The following CDH4 variants were observed in gnomAD, a reference collection of about 807,000 sequenced individuals.
The protein encoded by CDH4 is cadherin-4.
In CDH4, 33 loss-of-function variants were observed where a neutral mutation model predicts 86.0. The ratio of observed to expected loss-of-function variants is 0.38; its 90% CI spans 0.29 to 0.51. CDH4 has a LOEUF of 0.51. CDH4 is among the 20% of genes least tolerant of loss of function. The pLI is 0.86. For missense variants in CDH4, 1,114 were observed against 1,307.4 expected (o/e 0.85, Z 2.28); for synonymous variants, 555 against 549.4 (o/e 1.01, Z -0.14).
At chr20:61,926,766 G>A (rs545052424) in intron 11 of CDH4, among the ~76,000 whole-genome samples, 115 of 152,258 alleles carry the variant, frequency 7.6e-4, no homozygotes, top group African/African-American at 2.6e-3. Context: ...CCAGCTATTC[G>A]GGAGGCTGAG....
chr20:61,585,839 G>A (rs1600783389), intron 2 of CDH4, among the ~76,000 whole-genome samples: 1 of 148,252 alleles, frequency 6.7e-6, no homozygotes, highest in East Asian at 2.0e-4. Flanking sequence ...TGGTGATGGT[G>A]GTGATGGGGA....
intron 7 of CDH4, among the ~76,000 whole-genome samples, chr20:61,883,225 C>T (rs962883221): frequency 1.3e-5 from 2 of 151,922 alleles, no homozygotes; most frequent in East Asian, 1.9e-4. Flanking sequence ...GCCTGCCGCC[C>T]GGTTTAATGT....
In CDH4 at chr20:61,412,543, G is replaced by C. The variant is rs530012847; in HGVS notation, c.169+157606G>C. On this transcript the variant is annotated intron_variant, in intron 2 of 15. Coordinates refer to ENST00000614565, the MANE Select transcript of CDH4 (RefSeq NM_001794.5). ...AACTCACAATGGCTACAGAGAAACA[G>C]AGAGGTGGAGGAGGGATTTCTTGGC... Among the ~76,000 whole-genome samples the C allele has an allele frequency of 2.0e-5, 3 of 152,308 alleles. No individual in the cohort carries two copies. In the East Asian group the frequency reaches 5.8e-4, roughly 29 times the overall value.
chr20:61,812,804 C>A (rs2099714491), intron 4 of CDH4, among the ~76,000 whole-genome samples: 1 of 152,196 alleles, frequency 6.6e-6, no homozygotes, highest in African/African-American at 2.4e-5. Flanking sequence ...TACTGTATCC[C>A]AAATACGTGG....
intron 7 of CDH4, among the ~76,000 whole-genome samples, chr20:61,894,619 G>A (rs1568872079): frequency 6.6e-6 from 1 of 152,062 alleles, no homozygotes; most frequent in Non-Finnish European, 1.5e-5. Flanking sequence ...CTTCTATCTT[G>A]GCACCAAACG....
chr20:61,286,835 T>C (rs2084295826), intron 2 of CDH4, among the ~76,000 whole-genome samples: 1 of 152,206 alleles, frequency 6.6e-6, no homozygotes, highest in Non-Finnish European at 1.5e-5. Flanking sequence ...GTTTGTTTGT[T>C]TGTTTGTTGG....
chr20:61,416,811 C>T (rs1027358896), intron 2 of CDH4, among the ~76,000 whole-genome samples: 19 of 152,294 alleles, frequency 1.2e-4, no homozygotes, highest in Middle Eastern at 6.8e-3. Context: ...ACATAGCTTA[C>T]CAAGTGTGAT....
intron 2 of CDH4, among the ~76,000 whole-genome samples, chr20:61,669,020 G>A (rs891657124): frequency 1.3e-5 from 2 of 152,222 alleles, no homozygotes; most frequent in African/African-American, 2.4e-5. Flanking sequence ...GCGAAGCTCA[G>A]GGCTGCGGCA....
chr20:61,404,245 C>T lies in CDH4; in HGVS notation c.169+149308C>T, dbSNP rs748017305. 3.3e-5 allele frequency among the ~76,000 whole-genome samples: 5 copies of T among 152,102 alleles called. No individual in the cohort carries two copies. In the South Asian group the frequency reaches 8.3e-4, roughly 25 times the overall value. ...GCTAAGGACAAGATGCTTCTGCAGC[C>T]CCCGCCCCCTTCCTCTGCTTGTTCC... On this transcript the variant is annotated intron_variant, in intron 2 of 15. Transcript: ENST00000614565.
At chr20:61,508,426 C>T (rs1217141279) in intron 2 of CDH4, among the ~76,000 whole-genome samples, 1 of 152,236 alleles carries the variant, frequency 6.6e-6, no homozygotes, top group Non-Finnish European at 1.5e-5. Context: ...TGGCTGAAGA[C>T]TGTTGCGGTC....
intron 2 of CDH4, among the ~76,000 whole-genome samples, chr20:61,374,655 T>C (rs1380721586): frequency 6.6e-6 from 1 of 152,146 alleles, no homozygotes; most frequent in Non-Finnish European, 1.5e-5. Flanking sequence ...CAGGGCTCTC[T>C]AGAATTTAAC....
chr20:61,318,080 G>T (rs1398264739), intron 2 of CDH4, among the ~76,000 whole-genome samples: 1 of 152,124 alleles, frequency 6.6e-6, no homozygotes, highest in Admixed American at 6.5e-5. Context: ...CGGCTGGAGG[G>T]ACACTTTTCA....
chr20:61,737,472 C>T (rs545986998), intron 2 of CDH4, among the ~76,000 whole-genome samples: 3 of 152,268 alleles, frequency 2.0e-5, no homozygotes, highest in Non-Finnish European at 2.9e-5. Context: ...CAGGGACCCC[C>T]GGCCTGACTA....
At chr20:61,794,281 C>A (rs1979403708) in intron 4 of CDH4, among the ~76,000 whole-genome samples, 1 of 152,000 alleles carries the variant, frequency 6.6e-6, no homozygotes, top group Admixed American at 6.6e-5. Context: ...CAGGGTGGGG[C>A]AGGGAAGTGA....
chr20:61,340,643 G>A (rs886178534), intron 2 of CDH4, among the ~76,000 whole-genome samples: 7 of 151,236 alleles, frequency 4.6e-5, no homozygotes, highest in African/African-American at 9.7e-5. Context: ...GGAGTCCAGT[G>A]GCATGATCAC....
chr20:61,779,548 AT>A (rs1978427173), intron 4 of CDH4, among the ~76,000 whole-genome samples: 1 of 152,244 alleles, frequency 6.6e-6, no homozygotes, highest in South Asian at 2.1e-4. Flanking sequence ...AACAACTCAA[AT>A]GAGCTTAAGC....
intron 2 of CDH4, among the ~76,000 whole-genome samples, chr20:61,486,511 G>A (rs6121637): frequency 0.062 from 9,504 of 152,270 alleles, 1,017 homozygotes; most frequent in African/African-American, 0.22. Context: ...GCCAGTGTCC[G>A]GCATGTGCTG....
Position 61,254,860 on chromosome 20 carries a change from G to A in CDH4, c.92G>A (p.Cys31Tyr). ...HNEDLTTRET[C>Y]KAGFSEDDYT... The stretch of plus-strand genomic sequence containing the variant: ...GAGGATCTTACAACTAGAGAGACCT[G>A]CAAGGCTGGGTTCTCTGAAGATGAT... Residue 31 changes from cysteine to tyrosine, a missense_variant, in exon 2 of 16, where the codon TGC (cysteine) becomes TAC (tyrosine). Coordinates refer to ENST00000614565, the MANE Select transcript of CDH4 (RefSeq NM_001794.5). 1 of 1,612,490 alleles carries A rather than the reference G, an allele frequency of 6.2e-7. No individual in the cohort carries two copies. Among genetic ancestry groups the A allele is most frequent in the Non-Finnish European group, 8.5e-7 (1 of 1,178,472 alleles).
chr20:61,917,391 C>T (rs1048132536), intron 9 of CDH4, among the ~76,000 whole-genome samples: 1 of 152,256 alleles, frequency 6.6e-6, no homozygotes, highest in Non-Finnish European at 1.5e-5. Context: ...TCTTTCTCGT[C>T]TTACCCATGG....
Sources: allele counts gnomAD v4.1 joint callset (sites outside exome capture counted in the v4.1 genomes callset), GRCh38; gene constraint gnomAD v4.1.1; transcripts MANE v1.5; gene names NCBI Gene and HGNC (gene_info 2026-07-23, HGNC 2026-07-21).